Variants in CRACDL observed in about 807,000 individuals in gnomAD.
The protein encoded by CRACDL is CRACD-like protein.
In CRACDL, 26 loss-of-function variants were observed where a neutral mutation model predicts 70.6. The ratio of observed to expected loss-of-function variants is 0.37; its 90% CI spans 0.27 to 0.51. CRACDL has a LOEUF of 0.51. Among genes scored for constraint, CRACDL ranks in the 20% least tolerant of loss-of-function variants. CRACDL has a pLI of 0.94. For missense variants in CRACDL, 1,283 were observed against 1,376.9 expected, an observed-to-expected ratio of 0.93 and a Z score of 1.08; for synonymous variants, 618 against 615.2, an observed-to-expected ratio of 1.00 and a Z score of -0.07.
chr2:98,933,982 GGAA>G (rs1558646455), intron 1 of CRACDL, among the ~76,000 whole-genome samples: 1 of 152,134 alleles, frequency 6.6e-6, no homozygotes, highest in African/African-American at 2.4e-5. Context: ...CTCACATGGT[GGAA>G]GGGACGAGCG....
rs527348794 is a variant in CRACDL at position 98,821,239 on chromosome 2, G to A, written c.2416+618C>T. Among the ~76,000 whole-genome samples the A allele has an allele frequency of 7.9e-5, 12 of 152,282 alleles. No individual in the cohort carries two copies. The South Asian group carries it at 2.5e-3, about 32-fold the overall frequency. ...GTCTCACTCTGTCACCCAGGCTGGAGTGCATGGCACCATCATAGTTCACTG... is the reference window on the plus strand; with the variant it reads ...GTCTCACTCTGTCACCCAGGCTGGAATGCATGGCACCATCATAGTTCACTG... On this transcript the variant is annotated intron_variant, in intron 7 of 9. Coordinates refer to ENST00000397899, the MANE Select transcript of CRACDL (RefSeq NM_207362.3).
chr2:98,827,035 C>G lies in CRACDL; in HGVS notation c.675G>C (p.Lys225Asn). 6.2e-7 allele frequency: 1 copy of G among 1,614,122 alleles called. No individual in the cohort carries two copies. The highest frequency in any genetic ancestry group is 8.5e-7 in the Non-Finnish European group (1 of 1,179,998). Residue 225 changes from lysine (K) to asparagine (N), a missense_variant, in exon 6 of 10, where the codon AAG (lysine) becomes AAC (asparagine). Lys to Asn is a moderately conservative substitution (Grantham distance 94). Around this residue, in one of 2 missense-constraint regions of CRACDL, gnomAD observed 362 missense variants for 495.0 expected, o/e 0.73. Coordinates refer to ENST00000397899, the MANE Select transcript of CRACDL (RefSeq NM_207362.3). The stretch of plus-strand genomic sequence containing the variant: ...TGCGGGGCTTGACCTGGAGCTTGTG[C>G]TTAGCTGCAGAGTTGTCCAGGCAGG... ...SSSCLDNSAAKHKLQVKPRNQ... is the reference protein window; with the variant it reads ...SSSCLDNSAANHKLQVKPRNQ...
At chr2:98,862,274 C>G (rs1305880039) in intron 1 of CRACDL, among the ~76,000 whole-genome samples, 1 of 152,124 alleles carries the variant, frequency 6.6e-6, no homozygotes, top group Non-Finnish European at 1.5e-5. Flanking sequence ...AACAAACAAA[C>G]AAAACCCAAA....
chr2:98,864,949 T>G (rs1314398728), intron 1 of CRACDL, among the ~76,000 whole-genome samples: 2 of 152,222 alleles, frequency 1.3e-5, no homozygotes, highest in Non-Finnish European at 2.9e-5. Flanking sequence ...AAAGAAAAGT[T>G]GATACAATTT....
At chr2:98,869,978 A>G (rs892571277) in intron 1 of CRACDL, among the ~76,000 whole-genome samples, 41 of 152,142 alleles carry the variant, frequency 2.7e-4, no homozygotes, top group Admixed American at 1.0e-3. Flanking sequence ...CACCCTCCCA[A>G]AAATCACCCA....
intron 7 of CRACDL, among the ~76,000 whole-genome samples, chr2:98,801,971 G>A (rs997750934): frequency 7.2e-5 from 11 of 152,196 alleles, no homozygotes; most frequent in African/African-American, 2.4e-4. Flanking sequence ...CCATGACAAC[G>A]AGCCCTCGTG....
intron 1 of CRACDL, among the ~76,000 whole-genome samples, chr2:98,925,874 C>T (rs1031876068): frequency 4.6e-5 from 7 of 152,046 alleles, no homozygotes; most frequent in South Asian, 2.1e-4. Flanking sequence ...CACATGCGCG[C>T]GCACACACAT....
At chr2:98,877,932 G>A (rs953715625) in intron 1 of CRACDL, among the ~76,000 whole-genome samples, 1 of 148,754 alleles carries the variant, frequency 6.7e-6, no homozygotes, top group Admixed American at 6.7e-5. Flanking sequence ...GAACTATAAT[G>A]TTGTACCATT....
chr2:98,872,070 A>G (rs1190161244), intron 1 of CRACDL, among the ~76,000 whole-genome samples: 1 of 152,220 alleles, frequency 6.6e-6, no homozygotes, highest in Non-Finnish European at 1.5e-5. Flanking sequence ...ACTCAGAATC[A>G]GAAAATCCAA....
At chr2:98,817,408 A>AT (rs1392459982) in intron 7 of CRACDL, among the ~76,000 whole-genome samples, 2 of 152,214 alleles carry the variant, frequency 1.3e-5, no homozygotes, top group South Asian at 4.1e-4. Flanking sequence ...ACAGGAATAT[A>AT]TTTTTAGCAT....
chr2:98,803,580 G>A (rs1336569159), intron 7 of CRACDL, among the ~76,000 whole-genome samples: 2 of 152,158 alleles, frequency 1.3e-5, no homozygotes, highest in Non-Finnish European at 1.5e-5. Flanking sequence ...ACAACCCAAG[G>A]GAGCTGTGTG....
intron 7 of CRACDL, among the ~76,000 whole-genome samples, chr2:98,798,805 C>T (rs2104399732): frequency 6.6e-6 from 1 of 152,158 alleles, no homozygotes; most frequent in South Asian, 2.1e-4. Context: ...GATCCTCCCA[C>T]CTTGGCCTCC....
rs755262525 is a variant in CRACDL at position 98,796,213 on chromosome 2, G to T, written c.2656C>A (p.Pro886Thr). The part of the protein sequence containing the change: ...FVRSKSFLIT[P>T]VKPAVDRKQG... ...TTCCGGTCCACAGCGGGCTTCACAG[G>T]GGTTATCAGGAAAGACTTGCTGCGA... Residue 886 changes from proline to threonine, a missense_variant, in exon 9 of 10, where the codon CCT becomes ACT. Physicochemically the swap from Pro to Thr is conservative, Grantham distance 38. This residue lies in a region of CRACDL where 921 missense variants were observed against 881.9 expected (regional missense o/e 1.04). Coordinates refer to ENST00000397899, the MANE Select transcript of CRACDL (RefSeq NM_207362.3). The T allele has an allele frequency of 1.9e-6, 3 of 1,614,180 alleles. No individual in the cohort carries two copies. The highest frequency in any genetic ancestry group is 2.5e-6 in the Non-Finnish European group (3 of 1,180,010).
At chr2:98,888,931 C>T (rs1026647404) in intron 1 of CRACDL, among the ~76,000 whole-genome samples, 1 of 152,058 alleles carries the variant, frequency 6.6e-6, no homozygotes, top group African/African-American at 2.4e-5. Flanking sequence ...AGATTGAGAC[C>T]ATCCTGGCCA....
At position 98,821,868 on chromosome 2, in the gene CRACDL, C is replaced by A. The variant is rs758111492; in HGVS notation, c.2405G>T (p.Arg802Leu). 10 of 1,607,036 alleles carry A rather than the reference C, an allele frequency of 6.2e-6. No individual in the cohort carries two copies. Among genetic ancestry groups the A allele is most frequent in the Non-Finnish European group, 8.5e-6 (10 of 1,178,752 alleles). ...CGGCGGGCTCTTACCAGCTCCCCTG[C>A]GCAGCGGCCTTTTCTCCGCCGTCCT... ...EPRTAEKRPL[R>L]RGAEKSLPPA... is the part of the protein sequence containing the mutation. Residue 802 changes from arginine to leucine, a missense_variant, in exon 7 of 10, where the codon CGC becomes CTC. Physicochemically the swap from Arg to Leu is moderately radical, Grantham distance 102. This residue lies in a region of CRACDL where 921 missense variants were observed against 881.9 expected (regional missense o/e 1.04). Transcript: ENST00000397899.
At chr2:98,927,246 G>T (rs1024190146) in intron 1 of CRACDL, among the ~76,000 whole-genome samples, 1 of 152,216 alleles carries the variant, frequency 6.6e-6, no homozygotes. Context: ...TGGACGGTGG[G>T]AGGTGTGTGG....
chr2:98,819,611 G>C (rs1255821492), intron 7 of CRACDL, among the ~76,000 whole-genome samples: 2 of 152,176 alleles, frequency 1.3e-5, no homozygotes, highest in Non-Finnish European at 2.9e-5. Flanking sequence ...GTGAATCCTT[G>C]TGTGTCACGT....
intron 7 of CRACDL, among the ~76,000 whole-genome samples, chr2:98,807,821 T>C (rs979383978): frequency 5.9e-5 from 9 of 152,256 alleles, no homozygotes; most frequent in Non-Finnish European, 1.3e-4. Flanking sequence ...AAGAAGCTGA[T>C]AGAGGGGGGC....
chr2:98,858,477 T>G (rs979615633), intron 1 of CRACDL, among the ~76,000 whole-genome samples: 26 of 137,156 alleles, frequency 1.9e-4, no homozygotes, highest in Admixed American at 8.2e-5. Context: ...ATCGCACCAC[T>G]GCACTCCAGC....
Sources: allele counts gnomAD v4.1 joint callset (sites outside exome capture counted in the v4.1 genomes callset), GRCh38; gene constraint gnomAD v4.1.1; regional missense constraint gnomAD v4.1.1; transcripts MANE v1.5; gene names NCBI Gene and HGNC (gene_info 2026-07-23, HGNC 2026-07-21).